FGD4: variants seen among roughly 807,000 people sequenced by gnomAD.
The protein encoded by FGD4 is FYVE, RhoGEF and PH domain-containing protein 4.
A neutral mutation model predicts 102.0 loss-of-function variants in FGD4; 42 were observed. The observed-to-expected ratio is 0.41, with a 90% confidence interval of 0.32 to 0.53. FGD4 has a LOEUF of 0.53. FGD4 is among the 20% of genes least tolerant of loss of function. The pLI, the probability that FGD4 is intolerant of heterozygous loss-of-function variation, is 0.21. For missense variants in FGD4, 902 were observed against 1,078.2 expected, an observed-to-expected ratio of 0.84 and a Z score of 2.29; for synonymous variants, 380 against 375.7, an observed-to-expected ratio of 1.01 and a Z score of -0.13.
intron 1 of FGD4, among the ~76,000 whole-genome samples, chr12:32,554,376 C>T (rs1012705953): frequency 6.6e-6 from 1 of 151,968 alleles, no homozygotes; most frequent in African/African-American, 2.4e-5. Context: ...TAGATATTTC[C>T]ATATTGTCAG....
intron 1 of FGD4, among the ~76,000 whole-genome samples, chr12:32,420,885 A>AT (rs1206711423): frequency 6.6e-6 from 1 of 152,034 alleles, no homozygotes; most frequent in Non-Finnish European, 1.5e-5. Context: ...TGTAATAATT[A>AT]TTTTTTACTT....
chr12:32,520,388 T>G (rs1368266001), intron 1 of FGD4, among the ~76,000 whole-genome samples: 1 of 152,094 alleles, frequency 6.6e-6, no homozygotes, highest in Non-Finnish European at 1.5e-5. Flanking sequence ...AATAGTATTT[T>G]TACCTCTACC....
rs867153564 is a variant in FGD4, at chr12:32,465,543, C to T, written c.166+65584C>T. Among the ~76,000 whole-genome samples the T allele has an allele frequency of 1.7e-4, 26 of 152,220 alleles. No individual in the cohort carries two copies. The Middle Eastern group carries it at 0.01, about 60-fold the overall frequency. ...ATTAGCTGGGCGTGGTGGCGCACAC[C>T]TGTAGTCCCAGCTACTCGGGAGGCT... On this transcript the variant is annotated intron_variant, in intron 1 of 16. Transcript: ENST00000534526.
At position 32,500,772 on chromosome 12, in the gene FGD4, T is replaced by A. The variant is rs148493994; in HGVS notation, c.167-63365T>A. ...TAACTGCATGATAGTGTGTCAGTTGTGTATACATTAATATTTGCATCACCA... is the reference window on the plus strand; with the variant it reads ...TAACTGCATGATAGTGTGTCAGTTGAGTATACATTAATATTTGCATCACCA... On this transcript the variant is annotated intron_variant, in intron 1 of 16. Transcript: ENST00000534526. Among the ~76,000 whole-genome samples, 328 of 152,296 alleles carry A rather than the reference T, an allele frequency of 2.2e-3. 1 individual carries two copies. The highest frequency in any genetic ancestry group is 7.6e-3 in the African/African-American group (317 of 41,566).
rs1418367613 is a variant in FGD4, at chr12:32,402,297, C to T, written c.166+2338C>T. ...TCTGCAAAAAATGACCCCTTGTGGA[C>T]TGAAGTGGGAGGATCGCTTGCGCTC... On this transcript the variant is annotated intron_variant, in intron 1 of 16. Transcript: ENST00000534526. Among the ~76,000 whole-genome samples, 4 of 151,586 alleles carry T rather than the reference C, an allele frequency of 2.6e-5. No homozygotes were observed. The East Asian group carries it at 5.8e-4, about 22-fold the overall frequency.
At chr12:32,622,084 C>T (rs1045946705) in intron 11 of FGD4, among the ~76,000 whole-genome samples, 4 of 151,888 alleles carry the variant, frequency 2.6e-5, no homozygotes, top group Non-Finnish European at 4.4e-5. Context: ...GATGGGGTTT[C>T]GCCATTTTGG....
chr12:32,560,346 G>C (rs1199128932), intron 1 of FGD4, among the ~76,000 whole-genome samples: 2 of 152,108 alleles, frequency 1.3e-5, no homozygotes, highest in Admixed American at 6.6e-5. Flanking sequence ...CAAACTCCCA[G>C]GTTTAAGCCA....
chr12:32,597,604 T>C (rs1948011641), intron 4 of FGD4, among the ~76,000 whole-genome samples: 1 of 152,334 alleles, frequency 6.6e-6, no homozygotes, highest in African/African-American at 2.4e-5. Flanking sequence ...AGTGTTTTTA[T>C]TGAAGCATTG....
intron 2 of FGD4, among the ~76,000 whole-genome samples, chr12:32,575,440 G>A (rs1425871334): frequency 6.6e-6 from 1 of 152,168 alleles, no homozygotes. Flanking sequence ...AACCAGTCTT[G>A]GAGGAACTAA....
At chr12:32,431,605 T>TA (rs1195083835) in intron 1 of FGD4, among the ~76,000 whole-genome samples, 1 of 151,972 alleles carries the variant, frequency 6.6e-6, no homozygotes, top group African/African-American at 2.4e-5. Flanking sequence ...CCCCAACAAA[T>TA]ACATTAAGAA....
intron 1 of FGD4, among the ~76,000 whole-genome samples, chr12:32,558,931 T>C (rs1309456434): frequency 1.3e-5 from 2 of 152,196 alleles, no homozygotes; most frequent in Non-Finnish European, 2.9e-5. Flanking sequence ...TGACCAGTCC[T>C]CAAGAGGAGA....
chr12:32,548,467 A>G (rs896562485), intron 1 of FGD4, among the ~76,000 whole-genome samples: 7 of 152,136 alleles, frequency 4.6e-5, no homozygotes, highest in African/African-American at 1.4e-4. Flanking sequence ...CCATATTACT[A>G]TTCTCTGTAT....
chr12:32,629,606 T>C (rs1950379421), intron 14 of FGD4, among the ~76,000 whole-genome samples: 2 of 152,218 alleles, frequency 1.3e-5, no homozygotes, highest in Admixed American at 1.3e-4. Flanking sequence ...TCTCATTCCA[T>C]CTTCCATGTC....
intron 1 of FGD4, among the ~76,000 whole-genome samples, chr12:32,437,330 G>A (rs547692823): frequency 2.0e-5 from 3 of 152,302 alleles, no homozygotes; most frequent in South Asian, 2.1e-4. Context: ...TGAAGGTCTT[G>A]AAGAAGCTGG....
intron 11 of FGD4, among the ~76,000 whole-genome samples, chr12:32,620,900 T>G (rs1292088350): frequency 1.3e-5 from 2 of 150,248 alleles, no homozygotes; most frequent in Non-Finnish European, 3.0e-5. Context: ...TGACCTCAGG[T>G]GATCTGCCCG....
intron 1 of FGD4, among the ~76,000 whole-genome samples, chr12:32,535,433 G>A (rs1447577459): frequency 2.0e-5 from 3 of 152,094 alleles, no homozygotes; most frequent in African/African-American, 7.2e-5. Flanking sequence ...GAGCTGAGGC[G>A]CCACTCCTGC....
At chr12:32,541,469 G>A (rs1039446749) in intron 1 of FGD4, among the ~76,000 whole-genome samples, 6 of 152,092 alleles carry the variant, frequency 3.9e-5, no homozygotes, top group Admixed American at 1.3e-4. Context: ...GGGTTCAAGC[G>A]GTTCTCCTTC....
Position 32,638,706 on chromosome 12 carries a change from T to C in FGD4, c.2365T>C (p.Tyr789His). ...GNSVVCSFLQ[Y>H]MEKSKPWQKA... is the part of the protein sequence containing the mutation. ...CAGTGTGGTGTGCAGCTTTCTTCAG[T>C]ATATGGAGAAGTCAAAACCTTGGCA... The change falls in exon 16 of 17, where the codon TAT becomes CAT. Residue 789 changes from tyrosine (Y) to histidine (H), a missense_variant. Coordinates refer to ENST00000534526, the MANE Select transcript of FGD4 (RefSeq NM_001370298.3). 1 of 1,614,160 alleles carries C rather than the reference T, an allele frequency of 6.2e-7. No homozygotes were observed. The highest frequency in any genetic ancestry group is 8.5e-7 in the Non-Finnish European group (1 of 1,180,022).
intron 1 of FGD4, among the ~76,000 whole-genome samples, chr12:32,427,737 T>C (rs1941895886): frequency 1.3e-5 from 2 of 152,238 alleles, no homozygotes; most frequent in Non-Finnish European, 2.9e-5. Context: ...TTTATGAATC[T>C]GGGTGCTCCT....
Sources: gnomAD v4.1 joint callset for allele counts (sites outside exome capture counted in the v4.1 genomes callset) on GRCh38, gnomAD v4.1.1 for gene constraint, MANE v1.5 for transcripts, NCBI Gene and HGNC (gene_info 2026-07-23, HGNC 2026-07-21) for gene names.